The following ESR1 variants were observed in gnomAD, a reference collection of about 807,000 sequenced individuals.
ESR1 encodes the protein estrogen receptor 1, also known as estrogen receptor.
A neutral mutation model predicts 52.7 loss-of-function variants in ESR1; 12 were observed. That is an observed-to-expected ratio of 0.23 (90% CI 0.15 to 0.37). The LOEUF (loss-of-function observed/expected upper bound fraction) is 0.37. Ranked by LOEUF, ESR1 falls within the 10% of genes least tolerant of loss-of-function variation. ESR1 has a pLI of 1.00. For synonymous variants in ESR1, 305 were observed against 316.8 expected (o/e 0.96, Z 0.39); for missense variants, 584 against 779.7 (o/e 0.75, Z 2.99).
intron 3 of ESR1, among the ~76,000 whole-genome samples, chr6:151,915,232 G>T (rs889909590): frequency 8.2e-4 from 125 of 151,744 alleles, no homozygotes; most frequent in Non-Finnish European, 8.8e-5. Flanking sequence ...AAAAAGAGGG[G>T]TGAAATTTCT....
intron 2 of ESR1, among the ~76,000 whole-genome samples, chr6:151,877,371 G>C (rs976658875): frequency 6.6e-6 from 1 of 152,162 alleles, no homozygotes; most frequent in African/African-American, 2.4e-5. Context: ...CTTAGAAATA[G>C]TTGTTAATAG....
chr6:151,848,468 TA>T (rs1201543351), intron 2 of ESR1, among the ~76,000 whole-genome samples: 3 of 128,560 alleles, frequency 2.3e-5, no homozygotes, highest in Admixed American at 7.6e-5. Context: ...CACTAAAACT[TA>T]GAGTATAATA....
chr6:151,865,993 G>A (rs1042185281), intron 2 of ESR1, among the ~76,000 whole-genome samples: 8 of 152,196 alleles, frequency 5.3e-5, no homozygotes, highest in Admixed American at 4.6e-4. Context: ...TGACCATTGC[G>A]ACTTGAGCTG....
At chr6:151,761,958 C>T (rs1784690196) in intron 2 of ESR1, among the ~76,000 whole-genome samples, 1 of 152,206 alleles carries the variant, frequency 6.6e-6, no homozygotes, top group Admixed American at 6.5e-5. Flanking sequence ...TCTGGAGACA[C>T]ACCTTGAAAT....
chr6:152,045,409 C>T (rs761163675), intron 5 of ESR1, among the ~76,000 whole-genome samples: 1 of 152,148 alleles, frequency 6.6e-6, no homozygotes, highest in Non-Finnish European at 1.5e-5. Context: ...ACACTGTGTT[C>T]AGATCCACTG....
intron 5 of ESR1, among the ~76,000 whole-genome samples, chr6:152,022,893 C>G (rs2043802242): frequency 6.6e-6 from 1 of 151,648 alleles, no homozygotes; most frequent in African/African-American, 2.4e-5. Flanking sequence ...AGGAGAATCA[C>G]TTGAACCTGG....
At chr6:151,958,995 C>G (rs200263274) in intron 4 of ESR1, among the ~76,000 whole-genome samples, 1 of 104,832 alleles carries the variant, frequency 9.5e-6, no homozygotes, top group Non-Finnish European at 1.8e-5. Flanking sequence ...TGTGTGTGTG[C>G]GTGTGTGTGT....
intron 2 of ESR1, chr6:151,702,147 C>G (rs895854554): frequency 6.6e-6 from 1 of 152,136 alleles, no homozygotes; most frequent in East Asian, 1.9e-4. Flanking sequence ...AGGGGCTTAG[C>G]AGTACACCTA....
intron 2 of ESR1, among the ~76,000 whole-genome samples, chr6:151,769,472 AG>A (rs1785334319): frequency 6.6e-6 from 1 of 152,190 alleles, no homozygotes; most frequent in Non-Finnish European, 1.5e-5. Flanking sequence ...GATTATGGCA[AG>A]GGGAAAGTTA....
chr6:152,017,642 C>G (rs574505109), intron 5 of ESR1, among the ~76,000 whole-genome samples: 128 of 152,070 alleles, frequency 8.4e-4, no homozygotes, highest in African/African-American at 2.9e-3. Context: ...ACTAGGAATG[C>G]CTCTCTTCAT....
At chr6:151,800,589 C>T (rs1046846027), upstream of ESR1, among the ~76,000 whole-genome samples, 2 of 152,050 alleles carry the variant, frequency 1.3e-5, no homozygotes, top group African/African-American at 2.4e-5. Flanking sequence ...TTTTTCTGTC[C>T]TCCTCCTTCT....
At chr6:151,661,554 CACAA>C (rs779738128) in intron 1 of ESR1, among the ~76,000 whole-genome samples, 14 of 152,202 alleles carry the variant, frequency 9.2e-5, no homozygotes, top group Admixed American at 3.3e-4. Context: ...TTTTTCCCAG[CACAA>C]ACAAATATTC....
At chr6:151,669,623 T>C (rs1582850614) in intron 1 of ESR1, among the ~76,000 whole-genome samples, 1 of 152,166 alleles carries the variant, frequency 6.6e-6, no homozygotes, top group East Asian at 1.9e-4. Context: ...CAAGTTACTA[T>C]GTGGTCTTAG....
chr6:152,021,842 A>T (rs1159515173), intron 5 of ESR1, among the ~76,000 whole-genome samples: 1 of 152,074 alleles, frequency 6.6e-6, no homozygotes, highest in Non-Finnish European at 1.5e-5. Context: ...TGGTTTTATA[A>T]GGGGTTTTCC....
chr6:151,904,643 A>C (rs9340869), intron 3 of ESR1, among the ~76,000 whole-genome samples: 4,334 of 152,252 alleles, frequency 0.028, 202 homozygotes, highest in African/African-American at 0.098. Context: ...CTCAATAAAT[A>C]TGGTTTTAAT....
intron 3 of ESR1, among the ~76,000 whole-genome samples, chr6:151,933,392 G>A (rs370132502): frequency 1.5e-3 from 220 of 150,740 alleles, no homozygotes; most frequent in African/African-American, 2.5e-3. Flanking sequence ...CAATCATGTC[G>A]TCTGCAAACA....
chr6:151,913,639 C>T (rs1385004738), intron 3 of ESR1, among the ~76,000 whole-genome samples: 1 of 152,102 alleles, frequency 6.6e-6, no homozygotes, highest in South Asian at 2.1e-4. Flanking sequence ...ACTTGGTTAT[C>T]AAAATGATCT....
At chr6:151,886,022 A>G (rs1793784582) in intron 3 of ESR1, among the ~76,000 whole-genome samples, 1 of 151,998 alleles carries the variant, frequency 6.6e-6, no homozygotes, top group Non-Finnish European at 1.5e-5. Flanking sequence ...TAAAAATTTC[A>G]TCATATACGA....
At chr6:152,011,412 C>T (rs962012369) in intron 4 of ESR1, among the ~76,000 whole-genome samples, 10 of 152,144 alleles carry the variant, frequency 6.6e-5, no homozygotes, top group African/African-American at 2.4e-4. Context: ...GTGTGTTGCT[C>T]AAGTTGGTAC....
Sources: gnomAD v4.1 joint callset for allele counts (sites outside exome capture counted in the v4.1 genomes callset) on GRCh38, gnomAD v4.1.1 for gene constraint, MANE v1.5 for transcripts, NCBI Gene and HGNC (gene_info 2026-07-23, HGNC 2026-07-21) for gene names.